The following PDE4D variants were observed in gnomAD, a reference collection of about 807,000 sequenced individuals.
PDE4D encodes phosphodiesterase 4D.
PDE4D carries 24 observed loss-of-function variants against 87.4 expected under a neutral mutation model. That is an observed-to-expected ratio of 0.27 (90% CI 0.20 to 0.39). PDE4D has a LOEUF of 0.39. Ranked by LOEUF, PDE4D falls within the 10% of genes least tolerant of loss-of-function variation. The pLI, the probability that PDE4D is intolerant of heterozygous loss-of-function variation, is 1.00. For missense variants in PDE4D, 714 were observed against 1,041.0 expected (o/e 0.69, Z 4.32); for synonymous variants, 384 against 383.2 (o/e 1.00, Z -0.02).
intron 2 of PDE4D, among the ~76,000 whole-genome samples, chr5:60,086,148 T>C (rs1264374600): frequency 6.6e-6 from 1 of 152,186 alleles, no homozygotes; most frequent in Non-Finnish European, 1.5e-5. Context: ...AAAATACATA[T>C]TTTTGATGAT....
intron 1 of PDE4D, among the ~76,000 whole-genome samples, chr5:59,548,546 C>T (rs974197450): frequency 6.6e-6 from 1 of 152,028 alleles, no homozygotes; most frequent in Non-Finnish European, 1.5e-5. Flanking sequence ...ATGGAGTCAA[C>T]CCTTAATTAA....
chr5:60,182,444 C>G (rs1784442673), intron 2 of PDE4D, among the ~76,000 whole-genome samples: 1 of 152,152 alleles, frequency 6.6e-6, no homozygotes, highest in African/African-American at 2.4e-5. Flanking sequence ...ACCAGCCTGA[C>G]CAACATGGTG....
chr5:60,343,216 T>C (rs1758453703), intron 1 of PDE4D, among the ~76,000 whole-genome samples: 1 of 152,172 alleles, frequency 6.6e-6, no homozygotes, highest in Non-Finnish European at 1.5e-5. Flanking sequence ...TCAGTTCTTG[T>C]CATCAATGAA....
chr5:60,363,045 T>G (rs758933994), intron 1 of PDE4D, among the ~76,000 whole-genome samples: 2 of 152,122 alleles, frequency 1.3e-5, no homozygotes, highest in Non-Finnish European at 2.9e-5. Flanking sequence ...GAATGCATGT[T>G]TTCCCTTCTT....
At chr5:59,896,787 T>C (rs1247522007), upstream of PDE4D, among the ~76,000 whole-genome samples, 2 of 152,222 alleles carry the variant, frequency 1.3e-5, no homozygotes, top group Non-Finnish European at 2.9e-5. Flanking sequence ...GCACTTTATG[T>C]ATTACTCTAG....
rs571712104 is a variant in PDE4D at position 60,326,010 on chromosome 5, T to C, written c.-89-140323A>G. ...ATGTATCAGTAGTTTGTTTCTTTTA[T>C]TGCTGAGTAGTATTCCGTGGTGTAG... On this transcript the variant is annotated intron_variant, in intron 1 of 16. Coordinates refer to the PDE4D transcript ENST00000502484. Among the ~76,000 whole-genome samples, 17 of 152,304 alleles carry C rather than the reference T, an allele frequency of 1.1e-4. No individual in the cohort carries two copies. In the South Asian group the frequency reaches 1.2e-3, roughly 11 times the overall value.
chr5:60,090,239 T>C (rs1341385585), intron 2 of PDE4D, among the ~76,000 whole-genome samples: 1 of 152,082 alleles, frequency 6.6e-6, no homozygotes, highest in Non-Finnish European at 1.5e-5. Context: ...ATAGGAAAAC[T>C]ACAGGTCAGT....
At chr5:59,731,562 A>G (rs1580737247) in intron 1 of PDE4D, among the ~76,000 whole-genome samples, 1 of 334 alleles carries the variant, frequency 3.0e-3, no homozygotes, top group African/African-American at 0.015. Flanking sequence ...AATGCATTTT[A>G]AACTGACAAA....
chr5:60,042,123 A>C (rs1768587704), intron 2 of PDE4D, among the ~76,000 whole-genome samples: 2 of 152,022 alleles, frequency 1.3e-5, no homozygotes. Context: ...TGGTGAGGGG[A>C]GGGGTGTCTG....
At chr5:60,317,655 T>C (rs1755763806) in intron 1 of PDE4D, among the ~76,000 whole-genome samples, 1 of 152,362 alleles carries the variant, frequency 6.6e-6, no homozygotes, top group East Asian at 1.9e-4. Context: ...ACACACTGCA[T>C]TGAATGTATC....
Position 59,156,331 on chromosome 5 carries a change from ATGTGTGTGTGTG to A in PDE4D, c.808+24252_808+24263del, listed in dbSNP as rs60467130. ...CCAGAAAAAAAAAAAATATATATATATGTGTGTGTGTGTGTGTGTGTGTGTGTGTGTGTGTGT... is the reference window on the plus strand; with the variant it reads ...CCAGAAAAAAAAAAAATATATATATATGTGTGTGTGTGTGTGTGTGTGTGT... On this transcript the variant is annotated intron_variant, in intron 5 of 14. Transcript: ENST00000340635. Among the ~76,000 whole-genome samples, 352 of 122,758 alleles carry A rather than the reference ATGTGTGTGTGTG, an allele frequency of 2.9e-3. 5 individuals carry two copies. The highest frequency in any genetic ancestry group is 7.0e-3 in the African/African-American group (207 of 29,656). 80.5% of individuals were successfully genotyped at this position (122,758 alleles called of 152,430 possible). A position where few individuals can be genotyped will look rare whatever the true frequency, so the allele number is the denominator to read the frequency against.
chr5:59,892,702 G>A (rs1038254353), intron 1 of PDE4D, among the ~76,000 whole-genome samples: 1 of 151,986 alleles, frequency 6.6e-6, no homozygotes, highest in Non-Finnish European at 1.5e-5. Flanking sequence ...CAGCCCCACC[G>A]ACCCTCTTCC....
chr5:59,375,067 C>T (rs1291060581), intron 1 of PDE4D, among the ~76,000 whole-genome samples: 1 of 151,956 alleles, frequency 6.6e-6, no homozygotes, highest in Non-Finnish European at 1.5e-5. Flanking sequence ...CATGAAATGC[C>T]CAAATCAAAA....
chr5:60,004,674 A>T (rs1229168044), intron 2 of PDE4D, among the ~76,000 whole-genome samples: 3 of 152,134 alleles, frequency 2.0e-5, no homozygotes, highest in Non-Finnish European at 4.4e-5. Flanking sequence ...TTGAATAGAC[A>T]TTTCTCCAAA....
intron 1 of PDE4D, among the ~76,000 whole-genome samples, chr5:59,727,330 A>G (rs1756746980): frequency 6.6e-6 from 1 of 152,148 alleles, no homozygotes; most frequent in South Asian, 2.1e-4. Flanking sequence ...TTGGTTCAGC[A>G]TATGTTGATT....
intron 1 of PDE4D, among the ~76,000 whole-genome samples, chr5:59,325,440 G>T (rs185612768): frequency 1.3e-5 from 2 of 152,046 alleles, no homozygotes; most frequent in African/African-American, 4.8e-5. Context: ...ACGTTTTTAC[G>T]CTTTAAATAG....
chr5:59,212,655 A>G (rs1214427746), intron 2 of PDE4D, among the ~76,000 whole-genome samples: 2 of 152,064 alleles, frequency 1.3e-5, no homozygotes, highest in African/African-American at 2.4e-5. Flanking sequence ...GAATGTATGA[A>G]AGAAACAATC....
chr5:59,249,517 T>C (rs911807142), intron 1 of PDE4D, among the ~76,000 whole-genome samples: 6 of 152,202 alleles, frequency 3.9e-5, no homozygotes, highest in Non-Finnish European at 8.8e-5. Flanking sequence ...CTGATAATTT[T>C]AATAATTGGG....
At chr5:59,065,389 T>C (rs1263207144) in intron 5 of PDE4D, among the ~76,000 whole-genome samples, 1 of 152,074 alleles carries the variant, frequency 6.6e-6, no homozygotes, top group Non-Finnish European at 1.5e-5. Context: ...GCAAAATAAG[T>C]TCTGGAAAGC....
Sources: gnomAD v4.1 joint callset for allele counts (sites outside exome capture counted in the v4.1 genomes callset) on GRCh38, gnomAD v4.1.1 for gene constraint, MANE v1.5 for transcripts, NCBI Gene and HGNC (gene_info 2026-07-23, HGNC 2026-07-21) for gene names.